Variants in TECR observed in about 807,000 individuals in gnomAD.
TECR encodes trans-2,3-enoyl-CoA reductase.
In TECR, 19 loss-of-function variants were observed where a neutral mutation model predicts 50.6. That is an observed-to-expected ratio of 0.38 (90% CI 0.26 to 0.55). The LOEUF is 0.55. Among genes scored for constraint, TECR ranks in the 20% least tolerant of loss-of-function variants. The pLI, the probability that TECR is intolerant of heterozygous loss-of-function variation, is 0.79. For synonymous variants in TECR, 168 were observed against 163.5 expected (o/e 1.03, Z -0.21); for missense variants, 313 against 408.3 (o/e 0.77, Z 2.01).
intron 1 of TECR, among the ~76,000 whole-genome samples, chr19:14,560,605 G>C (rs1338914353): frequency 6.6e-6 from 1 of 152,206 alleles, no homozygotes; most frequent in African/African-American, 2.4e-5. Flanking sequence ...CTTTGGCCTT[G>C]TTATCGCTGT....
At chr19:14,532,512 C>CAAAAAA (rs748457923) in intron 1 of TECR, 2 of 73,700 alleles carry the variant, frequency 2.7e-5, no homozygotes, top group Non-Finnish European at 5.1e-5. Flanking sequence ...GAGTCTGTCT[C>CAAAAAA]AAAAAAAAAA....
At chr19:14,557,694 C>T (rs1478772230) in intron 1 of TECR, among the ~76,000 whole-genome samples, 5 of 150,702 alleles carry the variant, frequency 3.3e-5, no homozygotes, top group East Asian at 2.0e-4. Context: ...TCAGGTAACC[C>T]GCCCACCTTG....
At chr19:14,535,429 C>T (rs2072827026) in intron 1 of TECR, among the ~76,000 whole-genome samples, 1 of 135,024 alleles carries the variant, frequency 7.4e-6, no homozygotes, top group African/African-American at 2.8e-5. Flanking sequence ...AATGGCTTGA[C>T]CCGGGAGGCG....
In TECR at chr19:14,545,309, T is replaced by C. The variant is rs1370575386; in HGVS notation, c.15+15598T>C. 47 of 417,252 alleles carry C rather than the reference T, an allele frequency of 1.1e-4. No homozygotes were observed. The East Asian group carries it at 2.9e-3, about 25-fold the overall frequency. 25.8% of individuals were successfully genotyped at this position (417,252 alleles called of 1,614,324 possible). A position where few individuals can be genotyped will look rare whatever the true frequency, so the allele number is the denominator to read the frequency against. On this transcript the variant is annotated intron_variant, in intron 1 of 12. Transcript: ENST00000215567. ...AAGCTCTGTGCTACCCCAGGGCCTT[T>C]GCATTCCCCGCCAGGGAGCCTCATG...
chr19:14,536,985 CGAG>C (rs1444826594), intron 1 of TECR, among the ~76,000 whole-genome samples: 1 of 52,514 alleles, frequency 1.9e-5, no homozygotes, highest in Admixed American at 2.5e-4. Flanking sequence ...GGGGCGGGGC[CGAG>C]GAGGAGGAGG....
At chr19:14,555,530 C>A (rs1720880593) in intron 1 of TECR, among the ~76,000 whole-genome samples, 1 of 150,032 alleles carries the variant, frequency 6.7e-6, no homozygotes, top group Admixed American at 6.7e-5. Context: ...ACCACAACCT[C>A]CATCTCCTGG....
At position 14,529,672 on chromosome 19, in the gene TECR, G is replaced by C; in HGVS notation, c.-25G>C. 2.5e-6 allele frequency: 4 copies of C among 1,613,834 alleles called. No individual in the cohort carries two copies. Among genetic ancestry groups the C allele is most frequent in the Non-Finnish European group, 3.4e-6 (4 of 1,180,050 alleles). ...GCAGTTAGGCAGCAGCAGCCGCGGA[G>C]CAGTAGCCGCCGTGGGAGGGAGCCA... On this transcript the variant is annotated 5_prime_UTR_variant, in exon 1 of 13. Transcript: ENST00000215567.
intron 1 of TECR, among the ~76,000 whole-genome samples, chr19:14,539,639 G>A (rs531656273): frequency 6.6e-6 from 1 of 152,184 alleles, no homozygotes; most frequent in Non-Finnish European, 1.5e-5. Context: ...CTATGCTACT[G>A]TCTTTCACAG....
chr19:14,536,955 G>T (rs1230601648), intron 1 of TECR, among the ~76,000 whole-genome samples: 1 of 149,240 alleles, frequency 6.7e-6, no homozygotes, highest in Non-Finnish European at 1.5e-5. Flanking sequence ...GGGCAGATGT[G>T]GGGAGGAGGG....
intron 1 of TECR, chr19:14,545,057 C>A: frequency 2.2e-6 from 1 of 456,504 alleles, no homozygotes; most frequent in Non-Finnish European, 4.4e-6. Flanking sequence ...TGTTTCTAAG[C>A]CTCTCACCAC....
chr19:14,528,047 C>G (rs2072469366), upstream of TECR, among the ~76,000 whole-genome samples: 1 of 151,442 alleles, frequency 6.6e-6, no homozygotes, highest in Non-Finnish European at 1.5e-5. Context: ...TTACACCTGG[C>G]TAATTTTTGT....
chr19:14,563,550 TG>T lies in TECR; in HGVS notation c.119-104del. 1 of 1,454,928 alleles carries T rather than the reference TG, an allele frequency of 6.9e-7. No homozygotes were observed. Among genetic ancestry groups the T allele is most frequent in the Non-Finnish European group, 9.5e-7 (1 of 1,048,382 alleles). 90.1% of individuals were successfully genotyped at this position (1,454,928 alleles called of 1,614,324 possible). A position where few individuals can be genotyped will look rare whatever the true frequency, so the allele number is the denominator to read the frequency against. On this transcript the variant is annotated intron_variant, in intron 3 of 12. Transcript: ENST00000215567. The surrounding 1 kb of genome is among the most constrained non-coding windows in gnomAD (Gnocchi z 5.3). ...CCAGGTGGGAGGAGCTGTGGAGTCCTGGGGTCCTTGCACCCTGGGAACCCTG... is the reference window on the plus strand; with the variant it reads ...CCAGGTGGGAGGAGCTGTGGAGTCCTGGGTCCTTGCACCCTGGGAACCCTG...
intron 1 of TECR, among the ~76,000 whole-genome samples, chr19:14,543,404 TATATATATATATATA>T (rs1220132028): frequency 0.017 from 187 of 10,786 alleles, 1 homozygote; most frequent in African/African-American, 0.029. Context: ...TATATATATA[TATATATATATATATA>T]TTTTTTTTTT....
chr19:14,561,167 C>T lies in TECR; in HGVS notation c.16-1358C>T, dbSNP rs73927362. Among the ~76,000 whole-genome samples the T allele has an allele frequency of 2.6e-3, 399 of 151,848 alleles. 4 individuals carry two copies. Among genetic ancestry groups the T allele is most frequent in the African/African-American group, 9.2e-3 (384 of 41,520 alleles). Reference sequence around the variant, plus strand: ...AGGATGGGCCCTAGCTGCCGTGGCCCGGTCTCCCTGGGCTCTGGGTGGGTG... The same window carrying T: ...AGGATGGGCCCTAGCTGCCGTGGCCTGGTCTCCCTGGGCTCTGGGTGGGTG... On this transcript the variant is annotated intron_variant, in intron 1 of 12. Transcript: ENST00000215567.
intron 1 of TECR, among the ~76,000 whole-genome samples, chr19:14,549,276 G>A (rs1324540872): frequency 2.0e-5 from 3 of 148,372 alleles, no homozygotes; most frequent in South Asian, 2.2e-4. Context: ...GCAGTGGTGC[G>A]ATCTCAGCTC....
intron 1 of TECR, among the ~76,000 whole-genome samples, chr19:14,554,660 T>C (rs11672884): frequency 0.39 from 59,109 of 152,002 alleles, 11,913 homozygotes; most frequent in Non-Finnish European, 0.44. Flanking sequence ...CAGCCTTGGC[T>C]CAGGTGGTGC....
chr19:14,550,734 A>G (rs2073470199), intron 1 of TECR, among the ~76,000 whole-genome samples: 1 of 152,090 alleles, frequency 6.6e-6, no homozygotes, highest in African/African-American at 2.4e-5. Flanking sequence ...ATGCAGCAGT[A>G]TAGTGGCGTG....
intron 1 of TECR, among the ~76,000 whole-genome samples, chr19:14,533,577 A>T (rs975714033): frequency 4.6e-5 from 7 of 152,212 alleles, no homozygotes; most frequent in Admixed American, 4.6e-4. Flanking sequence ...AGAGGGGTGC[A>T]GGACGTGCTG....
intron 7 of TECR, chr19:14,564,564 A>G (rs1220799238): frequency 2.7e-4 from 69 of 254,214 alleles, no homozygotes; most frequent in Middle Eastern, 1.3e-3. Flanking sequence ...GCCCCTGCAG[A>G]GCCCCGCCCC....
Sources: allele counts gnomAD v4.1 joint callset (sites outside exome capture counted in the v4.1 genomes callset), GRCh38; gene constraint gnomAD v4.1.1; non-coding constraint Gnocchi (gnomAD v3.1); transcripts MANE v1.5; gene names NCBI Gene and HGNC (gene_info 2026-07-23, HGNC 2026-07-21).